The following DSCAM variants were observed in gnomAD, a reference collection of about 807,000 sequenced individuals.
The protein encoded by DSCAM is DS cell adhesion molecule.
DSCAM carries 47 observed loss-of-function variants against 217.7 expected under a neutral mutation model. The observed-to-expected ratio is 0.22, with a 90% CI of 0.17 to 0.28. DSCAM has a LOEUF of 0.28. Ranked by LOEUF, DSCAM falls within the 10% of genes least tolerant of loss-of-function variation. The probability of loss-of-function intolerance (pLI) is 1.00; values close to 1 mark genes in which losing one functional copy is unlikely to be tolerated. For synonymous variants in DSCAM, 1,056 were observed against 1,015.3 expected (o/e 1.04, Z -0.76); for missense variants, 2,080 against 2,618.3 (o/e 0.79, Z 4.49).
At chr21:40,462,481 T>C (rs911364045) in intron 3 of DSCAM, among the ~76,000 whole-genome samples, 2 of 152,202 alleles carry the variant, frequency 1.3e-5, no homozygotes, top group African/African-American at 4.8e-5. Context: ...GCATCCAAAA[T>C]GTTACTGCAC....
Position 40,339,168 on chromosome 21 carries a change from G to A in DSCAM, c.1458C>T (p.Ala486=). The change falls in exon 7 of 33, where the codon GCC becomes GCT. Residue 486 remains alanine, a synonymous_variant. Coordinates refer to ENST00000400454, the MANE Select transcript of DSCAM (RefSeq NM_001389.5). ...ACAGGACGACTCCCGCCGAGTTGTT[G>A]GCAGTGCAGCGGTAGACTCCCCCGT... ...VRDGGVYRCT[A]NNSAGVVLYQ... The A allele has an allele frequency of 6.2e-7, 1 of 1,614,156 alleles. No individual in the cohort carries two copies. The highest frequency in any genetic ancestry group is 8.5e-7 in the Non-Finnish European group (1 of 1,180,032).
At chr21:40,210,396 G>A (rs1365686360) in intron 11 of DSCAM, among the ~76,000 whole-genome samples, 1 of 152,182 alleles carries the variant, frequency 6.6e-6, no homozygotes, top group African/African-American at 2.4e-5. Context: ...CTCCTAGGAA[G>A]TTGCAAAAAT....
intron 3 of DSCAM, among the ~76,000 whole-genome samples, chr21:40,597,518 T>A (rs1432307982): frequency 2.6e-5 from 3 of 116,234 alleles, no homozygotes. Flanking sequence ...TTTTTTTTTT[T>A]TTTTTGGAGA....
chr21:40,117,135 C>G (rs2089980697), intron 20 of DSCAM, among the ~76,000 whole-genome samples: 1 of 151,860 alleles, frequency 6.6e-6, no homozygotes, highest in Non-Finnish European at 1.5e-5. Flanking sequence ...ACAAAGCATC[C>G]CAAAGTACAT....
At chr21:40,544,793 T>G (rs1393207985) in intron 3 of DSCAM, among the ~76,000 whole-genome samples, 1 of 152,194 alleles carries the variant, frequency 6.6e-6, no homozygotes, top group Non-Finnish European at 1.5e-5. Flanking sequence ...TATTTATCAA[T>G]TGAACCTTTC....
chr21:40,326,461 A>G lies in DSCAM; in HGVS notation c.1783+11640T>C, dbSNP rs906881480. On this transcript the variant is annotated intron_variant, in intron 8 of 32. Coordinates refer to ENST00000400454, the MANE Select transcript of DSCAM (RefSeq NM_001389.5). The stretch of plus-strand genomic sequence containing the variant: ...GGAGCTGCTGAACTTCGTTGCATAC[A>G]AAGTATTTAAACAAATGGGGACGCT... Among the ~76,000 whole-genome samples, 31 of 152,230 alleles carry G rather than the reference A, an allele frequency of 2.0e-4. 1 individual carries two copies.
At chr21:40,493,065 G>A (rs1447483828) in intron 3 of DSCAM, among the ~76,000 whole-genome samples, 1 of 152,156 alleles carries the variant, frequency 6.6e-6, no homozygotes, top group Non-Finnish European at 1.5e-5. Flanking sequence ...CAAACCAGGA[G>A]GAGGTGGGAT....
At chr21:40,430,305 G>A (rs889116955) in intron 3 of DSCAM, among the ~76,000 whole-genome samples, 1 of 152,222 alleles carries the variant, frequency 6.6e-6, no homozygotes, top group South Asian at 2.1e-4. Flanking sequence ...TCCTGGGTGT[G>A]TCTGTGAGGG....
intron 11 of DSCAM, among the ~76,000 whole-genome samples, chr21:40,258,082 T>A (rs542993121): frequency 6.6e-6 from 1 of 152,332 alleles, no homozygotes; most frequent in South Asian, 2.1e-4. Flanking sequence ...TCTGTATCAA[T>A]CTAAATGAGC....
At chr21:40,485,802 TTATA>T (rs2076023241) in intron 3 of DSCAM, among the ~76,000 whole-genome samples, 1 of 152,118 alleles carries the variant, frequency 6.6e-6, no homozygotes, top group Non-Finnish European at 1.5e-5. Flanking sequence ...TTGTATGTTA[TTATA>T]TATTTATATA....
At chr21:40,650,096 G>A (rs530013716) in intron 3 of DSCAM, among the ~76,000 whole-genome samples, 2 of 152,288 alleles carry the variant, frequency 1.3e-5, no homozygotes, top group African/African-American at 4.8e-5. Context: ...ATTTTACCAG[G>A]TGCTATAAAA....
chr21:40,570,620 T>C (rs1250249742), intron 3 of DSCAM, among the ~76,000 whole-genome samples: 1 of 152,198 alleles, frequency 6.6e-6, no homozygotes, highest in African/African-American at 2.4e-5. Context: ...GTAGCTGCGA[T>C]GAAGGCTCTA....
intron 3 of DSCAM, among the ~76,000 whole-genome samples, chr21:40,498,856 T>C (rs2146032036): frequency 7.0e-6 from 1 of 142,722 alleles, no homozygotes; most frequent in Non-Finnish European, 1.5e-5. Flanking sequence ...AAAAATATGG[T>C]ACATATTATA....
At chr21:40,541,911 AAAC>A in intron 3 of DSCAM, among the ~76,000 whole-genome samples, 1 of 152,186 alleles carries the variant, frequency 6.6e-6, no homozygotes, top group East Asian at 1.9e-4. Flanking sequence ...AACGCCTCTA[AAAC>A]AAAAGGCATT....
At chr21:40,609,113 A>G in intron 3 of DSCAM, among the ~76,000 whole-genome samples, 1 of 151,966 alleles carries the variant, frequency 6.6e-6, no homozygotes, top group East Asian at 1.9e-4. Context: ...TGACACCATG[A>G]CCAGCTATTT....
intron 6 of DSCAM, among the ~76,000 whole-genome samples, chr21:40,342,384 T>C (rs2074502235): frequency 1.3e-5 from 2 of 151,534 alleles, no homozygotes; most frequent in East Asian, 1.9e-4. Flanking sequence ...TTTAATGCTT[T>C]CTGTGTCCTA....
At chr21:40,630,023 A>C (rs2089666478) in intron 3 of DSCAM, among the ~76,000 whole-genome samples, 1 of 152,144 alleles carries the variant, frequency 6.6e-6, no homozygotes, top group South Asian at 2.1e-4. Flanking sequence ...TATGACCTAG[A>C]TTCCCTGGGA....
intron 16 of DSCAM, among the ~76,000 whole-genome samples, chr21:40,145,815 A>T (rs1391603545): frequency 1.3e-5 from 2 of 151,668 alleles, no homozygotes; most frequent in African/African-American, 2.4e-5. Flanking sequence ...ACTGCACTCC[A>T]GCCTGGGTGA....
chr21:40,779,120 A>G (rs1467763159), intron 1 of DSCAM, among the ~76,000 whole-genome samples: 1 of 149,864 alleles, frequency 6.7e-6, no homozygotes, highest in Non-Finnish European at 1.5e-5. Context: ...CTCAGAAAAG[A>G]TGGAATAGCT....
Sources: allele counts gnomAD v4.1 joint callset (sites outside exome capture counted in the v4.1 genomes callset), GRCh38; gene constraint gnomAD v4.1.1; transcripts MANE v1.5; gene names NCBI Gene and HGNC (gene_info 2026-07-23, HGNC 2026-07-21).